Variants in RANBP10 observed in about 807,000 individuals in gnomAD.
The protein encoded by RANBP10 is RAN binding protein 10, also known as ran-binding protein 10.
Under a neutral mutation model 72.8 loss-of-function variants are expected in RANBP10, and 24 were observed. That is an observed-to-expected ratio of 0.33 (90% CI 0.24 to 0.46). RANBP10 has a LOEUF of 0.46. RANBP10 is among the 20% of genes least tolerant of loss of function. The pLI, the probability that RANBP10 is intolerant of heterozygous loss-of-function variation, is 1.00. For synonymous variants in RANBP10, 310 were observed against 322.3 expected (o/e 0.96, Z 0.41); for missense variants, 679 against 817.5 (o/e 0.83, Z 2.07).
intron 2 of RANBP10, among the ~76,000 whole-genome samples, chr16:67,785,824 A>C (rs966528945): frequency 2.0e-5 from 3 of 151,262 alleles, no homozygotes; most frequent in African/African-American, 7.3e-5. Context: ...CAGGAGATCG[A>C]GACCATCCTG....
Position 67,729,589 on chromosome 16 carries a change from T to A in RANBP10, c.1147+91A>T. 1 of 1,550,860 alleles carries A rather than the reference T, an allele frequency of 6.4e-7. No homozygotes were observed. On this transcript the variant is annotated intron_variant, in intron 9 of 13. Transcript: ENST00000317506. The surrounding 1 kb of genome is among the most constrained non-coding windows in gnomAD (Gnocchi z 7.1). ...ATTTCCCTTCTCCCAAATCCAGCAG[T>A]GAGCCCTGAGCCCAGCCCAGGAAAG...
At chr16:67,803,645 C>A (rs1412027186) in intron 2 of RANBP10, among the ~76,000 whole-genome samples, 1 of 131,350 alleles carries the variant, frequency 7.6e-6, no homozygotes, top group East Asian at 2.1e-4. Context: ...AGCAAAACTC[C>A]GTCTCAAAAA....
intron 4 of RANBP10, among the ~76,000 whole-genome samples, chr16:67,742,013 G>T (rs961921619): frequency 6.6e-6 from 1 of 151,766 alleles, no homozygotes; most frequent in African/African-American, 2.4e-5. Flanking sequence ...TTTCAGTAAG[G>T]TCTCAATAAT....
chr16:67,779,131 A>G (rs900202088), intron 2 of RANBP10, among the ~76,000 whole-genome samples: 2 of 152,156 alleles, frequency 1.3e-5, no homozygotes, highest in African/African-American at 4.8e-5. Flanking sequence ...GCAGTGGCTC[A>G]TGCCTGTAAT....
At chr16:67,746,278 A>G (rs1021531629) in intron 3 of RANBP10, among the ~76,000 whole-genome samples, 4 of 151,948 alleles carry the variant, frequency 2.6e-5, no homozygotes, top group African/African-American at 7.3e-5. Context: ...TCAGGAGATC[A>G]AGACCATCCT....
intron 3 of RANBP10, among the ~76,000 whole-genome samples, chr16:67,751,831 G>T (rs1273289676): frequency 6.6e-6 from 1 of 151,946 alleles, no homozygotes; most frequent in Non-Finnish European, 1.5e-5. Context: ...CAGGAGAATC[G>T]CTTGAACCTG....
chr16:67,803,155 G>A (rs775404724), intron 2 of RANBP10, among the ~76,000 whole-genome samples: 6 of 152,074 alleles, frequency 3.9e-5, no homozygotes, highest in Admixed American at 3.3e-4. Flanking sequence ...TCTATCAGAC[G>A]GTGGAAGGTG....
intron 2 of RANBP10, among the ~76,000 whole-genome samples, chr16:67,794,363 G>A (rs998592944): frequency 6.6e-6 from 1 of 151,692 alleles, no homozygotes; most frequent in Non-Finnish European, 1.5e-5. Context: ...CTTGAACTCA[G>A]GGGGCGGAGG....
chr16:67,749,340 A>C (rs1666173447), intron 3 of RANBP10, among the ~76,000 whole-genome samples: 1 of 152,208 alleles, frequency 6.6e-6, no homozygotes, highest in Admixed American at 6.5e-5. Flanking sequence ...TCCAGCACCC[A>C]CAGCGGGAAA....
rs950567702 is a variant in RANBP10 at position 67,806,541 on chromosome 16, G to A, written c.-5C>T. On this transcript the variant is annotated 5_prime_UTR_variant, in exon 1 of 14. Coordinates refer to ENST00000317506, the MANE Select transcript of RANBP10 (RefSeq NM_020850.3). The stretch of plus-strand genomic sequence containing the variant: ...GTCTGCCGTCGCTGCCGCCATCTTG[G>A]AGGGAGCTACTATTGTGTCACTGGG... The A allele has an allele frequency of 6.7e-6, 10 of 1,496,878 alleles. No individual in the cohort carries two copies. In the African/African-American group the frequency reaches 9.8e-5, roughly 15 times the overall value. 92.7% of individuals were successfully genotyped at this position (1,496,878 alleles called of 1,614,324 possible).
chr16:67,800,843 G>A (rs1037069122), intron 2 of RANBP10, among the ~76,000 whole-genome samples: 2 of 152,086 alleles, frequency 1.3e-5, no homozygotes, highest in Admixed American at 6.6e-5. Flanking sequence ...AACAGGTCTC[G>A]CCTACTGGGG....
At chr16:67,779,826 CAG>C (rs2054778441) in intron 2 of RANBP10, among the ~76,000 whole-genome samples, 1 of 152,160 alleles carries the variant, frequency 6.6e-6, no homozygotes, top group African/African-American at 2.4e-5. Flanking sequence ...CAGGGCAAGC[CAG>C]AGAGTCAAGG....
chr16:67,805,388 C>CTCCTTT, intron 2 of RANBP10, 40 bp downstream of exon 2: 2 of 1,563,148 alleles, frequency 1.3e-6, no homozygotes, highest in Non-Finnish European at 1.8e-6. Flanking sequence ...CAGGGATCAG[C>CTCCTTT]TCCATGATCA....
chr16:67,729,894 A>G lies in RANBP10; in HGVS notation c.998+44T>C. On this transcript the variant is annotated intron_variant, in intron 8 of 13. Coordinates refer to ENST00000317506, the MANE Select transcript of RANBP10 (RefSeq NM_020850.3). This position sits in a 1 kb window ranked among gnomAD's most constrained non-coding sequence, Gnocchi z 7.1. ...AGGTTGACGTTCCCACCACCAGCTGAGAGGGGCTGGACTCTGGGGGAGCTG... is the reference window on the plus strand; with the variant it reads ...AGGTTGACGTTCCCACCACCAGCTGGGAGGGGCTGGACTCTGGGGGAGCTG... 1 of 1,613,408 alleles carries G rather than the reference A, an allele frequency of 6.2e-7. No individual in the cohort carries two copies.
At chr16:67,771,715 C>T (rs1009274033) in intron 3 of RANBP10, among the ~76,000 whole-genome samples, 1 of 152,204 alleles carries the variant, frequency 6.6e-6, no homozygotes, top group African/African-American at 2.4e-5. Flanking sequence ...CCAGTACATG[C>T]CTGAGTCTGC....
At chr16:67,727,229 G>T (rs914102358) in intron 13 of RANBP10, 98 bp downstream of exon 13, 19 of 1,191,806 alleles carry the variant, frequency 1.6e-5, no homozygotes, top group Non-Finnish European at 2.1e-5. Flanking sequence ...GGAGGCAGAG[G>T]TGGAGATTGC....
At chr16:67,792,427 T>G (rs1471452255) in intron 2 of RANBP10, among the ~76,000 whole-genome samples, 1 of 151,836 alleles carries the variant, frequency 6.6e-6, no homozygotes, top group Non-Finnish European at 1.5e-5. Context: ...CCAGGCGTAG[T>G]GGCGGACGCC....
At chr16:67,727,675 CT>C in intron 12 of RANBP10, 75 bp downstream of exon 12, 1 of 1,602,318 alleles carries the variant, frequency 6.2e-7, no homozygotes, top group South Asian at 1.1e-5. Flanking sequence ...CTGCTGCCCC[CT>C]GGACTCTCCC....
At chr16:67,798,551 T>C (rs1479858315) in intron 2 of RANBP10, among the ~76,000 whole-genome samples, 2 of 152,146 alleles carry the variant, frequency 1.3e-5, no homozygotes, top group South Asian at 2.1e-4. Context: ...GTATAAAACA[T>C]GGGGCATTAC....
Sources: allele counts gnomAD v4.1 joint callset (sites outside exome capture counted in the v4.1 genomes callset), GRCh38; gene constraint gnomAD v4.1.1; non-coding constraint Gnocchi (gnomAD v3.1); transcripts MANE v1.5; gene names NCBI Gene and HGNC (gene_info 2026-07-23, HGNC 2026-07-21).